The following ELOVL7 variants were observed in gnomAD, a reference collection of about 807,000 sequenced individuals.
ELOVL7 encodes the protein very long chain fatty acid elongase 7.
A neutral mutation model predicts 35.7 loss-of-function variants in ELOVL7; 27 were observed. The observed-to-expected ratio is 0.76, with a 90% confidence interval of 0.56 to 1.04. The LOEUF is 1.04. Among genes scored for constraint, ELOVL7 ranks in the 50% least tolerant of loss-of-function variants. ELOVL7 has a pLI of 0.00. For missense variants in ELOVL7, 327 were observed against 340.8 expected, an observed-to-expected ratio of 0.96 and a Z score of 0.32; for synonymous variants, 113 against 114.6, an observed-to-expected ratio of 0.99 and a Z score of 0.09.
chr5:60,835,549 C>T (rs995136465), intron 1 of ELOVL7, among the ~76,000 whole-genome samples: 1 of 151,852 alleles, frequency 6.6e-6, no homozygotes, highest in African/African-American at 2.4e-5. Flanking sequence ...GTAGCTAGGA[C>T]TACAGACGCA....
intron 1 of ELOVL7, among the ~76,000 whole-genome samples, chr5:60,808,356 A>G (rs570241058): frequency 6.6e-6 from 1 of 152,344 alleles, no homozygotes; most frequent in South Asian, 2.1e-4. Context: ...ACAAGGTTGT[A>G]AGATAATCTG....
intron 3 of ELOVL7, among the ~76,000 whole-genome samples, chr5:60,777,119 G>A (rs1422568182): frequency 1.3e-5 from 2 of 151,584 alleles, no homozygotes; most frequent in Non-Finnish European, 2.9e-5. Flanking sequence ...GGGTTGGGGG[G>A]GAGGTGGGAA....
intron 2 of ELOVL7, among the ~76,000 whole-genome samples, chr5:60,790,116 A>C (rs1743841147): frequency 6.6e-6 from 1 of 152,170 alleles, no homozygotes; most frequent in African/African-American, 2.4e-5. Flanking sequence ...CAGCCTGGGC[A>C]ACAAGAGCGA....
chr5:60,834,588 A>T (rs764846317), intron 1 of ELOVL7, among the ~76,000 whole-genome samples: 94 of 152,160 alleles, frequency 6.2e-4, no homozygotes, highest in Non-Finnish European at 1.1e-3. Context: ...GGAATGTTTG[A>T]TGCCAGAAAT....
intron 7 of ELOVL7, among the ~76,000 whole-genome samples, 162 bp downstream of exon 7, chr5:60,764,060 ATGAGT>A: frequency 6.6e-6 from 1 of 152,196 alleles, no homozygotes; most frequent in Admixed American, 6.5e-5. Context: ...CCTAGTTATT[ATGAGT>A]CTTATGTTTA....
At chr5:60,811,940 G>A (rs1196641737) in intron 1 of ELOVL7, among the ~76,000 whole-genome samples, 4 of 152,088 alleles carry the variant, frequency 2.6e-5, no homozygotes, top group East Asian at 1.9e-4. Flanking sequence ...ATAATTCCAG[G>A]TACAGTCACT....
In ELOVL7 at chr5:60,766,624, G is replaced by A. The variant is rs1584164951; in HGVS notation, c.343C>T (p.Arg115Cys). 3 of 1,612,466 alleles carry A rather than the reference G, an allele frequency of 1.9e-6. No homozygotes were observed. Among genetic ancestry groups the A allele is most frequent in the South Asian group, 1.1e-5 (1 of 90,658 alleles). ...GAGAAGTAATAAAGCCAGCAGGTACGTGCCATCTGCAGAAGCACAAATAAA... is the reference window on the plus strand; with the variant it reads ...GAGAAGTAATAAAGCCAGCAGGTACATGCCATCTGCAGAAGCACAAATAAA... ...SRSPTALRMA[R>C]TCWLYYFSKF... The change falls in exon 6 of 9, where the codon CGT becomes TGT. Residue 115 changes from arginine (R) to cysteine (C), a missense_variant. Transcript: ENST00000508821.
At chr5:60,762,307 A>G (rs1741976082) in intron 7 of ELOVL7, among the ~76,000 whole-genome samples, 1 of 151,360 alleles carries the variant, frequency 6.6e-6, no homozygotes, top group African/African-American at 2.4e-5. Flanking sequence ...CTCAAAAAAA[A>G]AAAAAAAAAA....
chr5:60,755,785 A>G (rs1310703943), intron 8 of ELOVL7, among the ~76,000 whole-genome samples: 2 of 151,962 alleles, frequency 1.3e-5, no homozygotes, highest in Non-Finnish European at 2.9e-5. Flanking sequence ...CCCAAGAGGG[A>G]CCTTTTCTAG....
At chr5:60,780,137 T>A (rs1226960198) in intron 3 of ELOVL7, among the ~76,000 whole-genome samples, 4 of 132,256 alleles carry the variant, frequency 3.0e-5, no homozygotes, top group Admixed American at 1.4e-4. Context: ...TTTTTTTTTT[T>A]AGATGTAGTT....
chr5:60,784,855 A>C (rs1743475915), intron 3 of ELOVL7, among the ~76,000 whole-genome samples: 1 of 152,336 alleles, frequency 6.6e-6, no homozygotes, highest in East Asian at 1.9e-4. Flanking sequence ...CCTGGGAAAA[A>C]AATTATGTAA....
chr5:60,775,560 A>G (rs543477502), intron 3 of ELOVL7, among the ~76,000 whole-genome samples: 2 of 152,306 alleles, frequency 1.3e-5, no homozygotes, highest in East Asian at 1.9e-4. Flanking sequence ...GAGGCATCAC[A>G]TTATCTTACT....
chr5:60,839,707 G>A (rs1427724667), intron 1 of ELOVL7, among the ~76,000 whole-genome samples: 1 of 152,184 alleles, frequency 6.6e-6, no homozygotes, highest in African/African-American at 2.4e-5. Context: ...TTGGTAAATA[G>A]CAACCTTCCA....
chr5:60,753,504 G>A lies in ELOVL7; in HGVS notation c.*1120C>T, dbSNP rs925472058. The A allele has an allele frequency of 6.6e-6, 1 of 151,992 alleles. No homozygotes were observed. Among genetic ancestry groups the A allele is most frequent in the Non-Finnish European group, 1.5e-5 (1 of 67,994 alleles). 9.4% of individuals were successfully genotyped at this position (151,992 alleles called of 1,614,324 possible). ...ATAATATATTACTATTATGTAGTCT[G>A]TCTGTCTCTCTCTCAAAGTAGAACA... On this transcript the variant is annotated 3_prime_UTR_variant, in exon 9 of 9. Coordinates refer to ENST00000508821, the MANE Select transcript of ELOVL7 (RefSeq NM_024930.3).
intron 1 of ELOVL7, among the ~76,000 whole-genome samples, chr5:60,831,188 G>C (rs1174916693): frequency 6.6e-6 from 1 of 152,164 alleles, no homozygotes; most frequent in Non-Finnish European, 1.5e-5. Flanking sequence ...TCTAGTGTCT[G>C]TCTATAATAA....
intron 3 of ELOVL7, among the ~76,000 whole-genome samples, chr5:60,778,452 G>A (rs1743043926): frequency 6.6e-6 from 1 of 152,112 alleles, no homozygotes; most frequent in Non-Finnish European, 1.5e-5. Flanking sequence ...GCATGGCCTG[G>A]GAGACGTCAG....
At chr5:60,789,317 C>A (rs1297013318) in intron 2 of ELOVL7, among the ~76,000 whole-genome samples, 1 of 152,158 alleles carries the variant, frequency 6.6e-6, no homozygotes, top group East Asian at 1.9e-4. Context: ...GGGCAAAGTT[C>A]ACAGAAAAGG....
chr5:60,819,385 G>A (rs879407314), intron 1 of ELOVL7, among the ~76,000 whole-genome samples: 4 of 152,116 alleles, frequency 2.6e-5, no homozygotes, highest in Admixed American at 6.5e-5. Context: ...TTGAAGGGTC[G>A]TGATCTATCT....
At chr5:60,787,190 C>A in intron 3 of ELOVL7, 144 bp downstream of exon 3, 1 of 619,090 alleles carries the variant, frequency 1.6e-6, no homozygotes, top group Non-Finnish European at 2.8e-6. Flanking sequence ...GTAATGAAAC[C>A]TGTGCACTTC....
Sources: allele counts gnomAD v4.1 joint callset (sites outside exome capture counted in the v4.1 genomes callset), GRCh38; gene constraint gnomAD v4.1.1; transcripts MANE v1.5; gene names NCBI Gene and HGNC (gene_info 2026-07-23, HGNC 2026-07-21).